GIPR: variants seen among roughly 807,000 people sequenced by gnomAD.
GIPR encodes gastric inhibitory polypeptide receptor.
A neutral mutation model predicts 62.2 loss-of-function variants in GIPR; 74 were observed. That is an observed-to-expected ratio of 1.19 (90% CI 0.99 to 1.44). GIPR has a LOEUF of 1.44. Among genes scored for constraint, GIPR ranks in the 40% most tolerant of loss-of-function variants. GIPR has a pLI of 0.00. For missense variants in GIPR, 664 were observed against 611.8 expected, an observed-to-expected ratio of 1.09 and a Z score of -0.90; for synonymous variants, 256 against 262.2, an observed-to-expected ratio of 0.98 and a Z score of 0.23.
At chr19:45,669,417 G>A in intron 1 of GIPR, 60 bp from the exon 2 acceptor site, 2 of 1,480,008 alleles carry the variant, frequency 1.4e-6, no homozygotes, top group Non-Finnish European at 1.8e-6. Flanking sequence ...CCTGAGGCGG[G>A]GTGACGCTGG....
intron 12 of GIPR, among the ~76,000 whole-genome samples, chr19:45,679,405 C>A (rs1967114450): frequency 6.6e-6 from 1 of 150,696 alleles, no homozygotes; most frequent in African/African-American, 2.4e-5. Context: ...TCGATTGAAC[C>A]CGGGAGGTGG....
At chr19:45,678,285 G>T in intron 12 of GIPR, 59 bp downstream of exon 12, 1 of 1,530,258 alleles carries the variant, frequency 6.5e-7, no homozygotes, top group Non-Finnish European at 8.8e-7. Context: ...CCCCAGAGGG[G>T]CACGAAAGCT....
intron 9 of GIPR, 29 bp from the exon 10 acceptor site, chr19:45,677,677 TTCTA>T (rs1967021340): frequency 4.5e-6 from 7 of 1,568,780 alleles, no homozygotes; most frequent in Non-Finnish European, 6.1e-6. Flanking sequence ...TCTAGAGTTT[TTCTA>T]TCTCTTAGCT....
Position 45,678,196 on chromosome 19 carries a change from C to T in GIPR, c.1122C>T (p.Leu374=). The T allele has an allele frequency of 6.3e-7, 1 of 1,582,436 alleles. No individual in the cohort carries two copies. Residue 374 remains leucine (L), a synonymous_variant, in exon 12 of 14, where the codon CTC becomes CTT. Coordinates refer to ENST00000590918, the MANE Select transcript of GIPR (RefSeq NM_000164.4). ...QARGALRFAK[L]GFEIFLSSFQ... ...GGGGCGCCCTGCGCTTCGCCAAGCT[C>T]GGCTTTGAGATCTTCCTCAGCTCCT...
chr19:45,674,021 G>A, intron 5 of GIPR, 53 bp from the exon 6 acceptor site: 1 of 1,008,868 alleles, frequency 9.9e-7, no homozygotes, highest in South Asian at 1.3e-5. Context: ...TCTCTCTCTG[G>A]GCCTGGGGCT....
At chr19:45,669,644 A>G (rs998473847) in intron 2 of GIPR, 52 bp downstream of exon 2, 3 of 1,541,828 alleles carry the variant, frequency 1.9e-6, no homozygotes, top group African/African-American at 2.7e-5. Context: ...AGGTATGGGG[A>G]CGGTTTTAGG....
At position 45,674,836 on chromosome 19, in the gene GIPR, C is replaced by T; in HGVS notation, c.633+10C>T. 1 of 1,613,346 alleles carries T rather than the reference C, an allele frequency of 6.2e-7. No individual in the cohort carries two copies. The highest frequency in any genetic ancestry group is 1.7e-5 in the Admixed American group (1 of 59,996). On this transcript the variant is annotated intron_variant, in intron 7 of 13. Transcript: ENST00000590918. ...TGCGCTGTGGAACCAGGTGGGCATC[C>T]TCCTTCCGTTCCTCCAAATGGGAAT...
chr19:45,674,127 C>T lies in GIPR; in HGVS notation c.438C>T (p.Ser146=), dbSNP rs780041833. ...AGGTCATGTACACTGTCGGCTACTCCCTGTCTCTCGCCACACTGCTGCTAG... is the reference window on the plus strand; with the variant it reads ...AGGTCATGTACACTGTCGGCTACTCTCTGTCTCTCGCCACACTGCTGCTAG... The part of the protein sequence containing the change: ...RLQVMYTVGY[S]LSLATLLLAL... The change falls in exon 6 of 14, where the codon TCC becomes TCT. Residue 146 remains serine, a synonymous_variant. Coordinates refer to ENST00000590918, the MANE Select transcript of GIPR (RefSeq NM_000164.4). 6.2e-7 allele frequency: 1 copy of T among 1,613,842 alleles called. No homozygotes were observed. Among genetic ancestry groups the T allele is most frequent in the Non-Finnish European group, 8.5e-7 (1 of 1,179,778 alleles).
At chr19:45,671,774 C>T (rs1264907951) in intron 4 of GIPR, among the ~76,000 whole-genome samples, 3 of 144,812 alleles carry the variant, frequency 2.1e-5, no homozygotes, top group African/African-American at 7.7e-5. Context: ...GCCACCACAC[C>T]CGGCTTTTTT....
chr19:45,674,398 A>G, intron 6 of GIPR: 1 of 648,190 alleles, frequency 1.5e-6, no homozygotes, highest in African/African-American at 1.8e-5. Flanking sequence ...GCTTGAGCCC[A>G]GGAGTTTGAG....
intron 10 of GIPR, 44 bp downstream of exon 10, chr19:45,677,823 C>G: frequency 6.2e-7 from 1 of 1,604,606 alleles, no homozygotes; most frequent in Non-Finnish European, 8.5e-7. Context: ...CAGGGATTTC[C>G]CATTCTGGGA....
intron 7 of GIPR, among the ~76,000 whole-genome samples, chr19:45,676,243 A>AG (rs1975851300): frequency 1.3e-5 from 2 of 149,482 alleles, no homozygotes; most frequent in Admixed American, 6.7e-5. Flanking sequence ...AGGGCAGGAG[A>AG]GTCCATAATG....
In GIPR at chr19:45,674,798, G is replaced by C. The variant is rs746529729; in HGVS notation, c.605G>C (p.Gly202Ala). 1.9e-6 allele frequency: 3 copies of C among 1,613,912 alleles called. No individual in the cohort carries two copies. The East Asian group carries it at 6.7e-5, about 36-fold the overall frequency. ...RLLPRPGPYL[G>A]DQALALWNQA... The stretch of plus-strand genomic sequence containing the variant: ...CTACCTCGACCTGGCCCCTACCTTG[G>C]GGACCAGGCCCTTGCGCTGTGGAAC... The change falls in exon 7 of 14, where the codon GGG becomes GCG. Residue 202 changes from glycine to alanine, a missense_variant. By Grantham distance (60) the Gly-to-Ala change is moderately conservative. Transcript: ENST00000590918.
Position 45,677,725 on chromosome 19 carries a change from C to A in GIPR, c.870C>A (p.Asn290Lys). The A allele has an allele frequency of 6.2e-7, 1 of 1,613,128 alleles. No homozygotes were observed. The change falls in exon 10 of 14, where the codon AAC (asparagine) becomes AAA (lysine). Residue 290 changes from asparagine to lysine, a missense_variant. Transcript: ENST00000590918. ...LYENTQCWER[N>K]EVKAIWWIIR... ...CCTTCCCCAGGTGCTGGGAGCGCAA[C>A]GAAGTCAAGGCCATTTGGTGGATTA... is the stretch of plus-strand genomic sequence containing the variant.
rs763469705 is a variant in GIPR, at chr19:45,677,123, C to G, written c.793+15C>G. 4 of 1,611,962 alleles carry G rather than the reference C, an allele frequency of 2.5e-6. No individual in the cohort carries two copies. In the South Asian group the frequency reaches 4.4e-5, roughly 18 times the overall value. On this transcript the variant is annotated intron_variant, in intron 8 of 13. Transcript: ENST00000590918. ...CCTCGGCTGGGGTGAGCTCCGATCC[C>G]GTCCCCCGCCCAACCCAGCGCGCCT...
At chr19:45,670,586 T>G (rs1485274276) in intron 2 of GIPR, 49 bp from the exon 3 acceptor site, 2 of 1,337,496 alleles carry the variant, frequency 1.5e-6, no homozygotes, top group Admixed American at 1.8e-5. Context: ...CCTAGCAGCC[T>G]GGGAGCGGGG....
At chr19:45,677,630 G>T in intron 9 of GIPR, 80 bp from the exon 10 acceptor site, 1 of 1,127,704 alleles carries the variant, frequency 8.9e-7, no homozygotes, top group Non-Finnish European at 1.4e-6. Flanking sequence ...TGCGGTGGGC[G>T]GGGCCTAGCG....
At chr19:45,676,330 G>C (rs571730664) in intron 7 of GIPR, among the ~76,000 whole-genome samples, 40 of 152,072 alleles carry the variant, frequency 2.6e-4, no homozygotes, top group Non-Finnish European at 5.4e-4. Flanking sequence ...GGGGATCTAG[G>C]GGGGAACTGA....
Position 45,674,118 on chromosome 19 carries a change from C to G in GIPR, c.429C>G (p.Val143=), listed in dbSNP as rs148206679. ...ILERLQVMYT[V]GYSLSLATLL... ...AGCGGTTGCAGGTCATGTACACTGT[C>G]GGCTACTCCCTGTCTCTCGCCACAC... Residue 143 remains valine, a synonymous_variant, in exon 6 of 14, where the codon GTC becomes GTG. Transcript: ENST00000590918. 1 of 1,613,738 alleles carries G rather than the reference C, an allele frequency of 6.2e-7. No homozygotes were observed. The highest frequency in any genetic ancestry group is 2.2e-5 in the East Asian group (1 of 44,868).
Sources: gnomAD v4.1 joint callset for allele counts (sites outside exome capture counted in the v4.1 genomes callset) on GRCh38, gnomAD v4.1.1 for gene constraint, MANE v1.5 for transcripts, NCBI Gene and HGNC (gene_info 2026-07-23, HGNC 2026-07-21) for gene names.